Variants in TENM3 observed in about 807,000 individuals in gnomAD.
TENM3 encodes the protein teneurin transmembrane protein 3, also known as teneurin-3.
In TENM3, 63 loss-of-function variants were observed where a neutral mutation model predicts 255.1. The observed-to-expected ratio is 0.25, with a 90% confidence interval of 0.20 to 0.30. The LOEUF (loss-of-function observed/expected upper bound fraction) is 0.30. Among genes scored for constraint, TENM3 ranks in the 10% least tolerant of loss-of-function variants. TENM3 has a pLI of 1.00. For missense variants in TENM3, 2,929 were observed against 3,461.1 expected (o/e 0.85, Z 3.86); for synonymous variants, 1,306 against 1,322.3 (o/e 0.99, Z 0.27).
chr4:182,584,603 T>C (rs1745818450), intron 3 of TENM3, among the ~76,000 whole-genome samples: 1 of 152,210 alleles, frequency 6.6e-6, no homozygotes, highest in Non-Finnish European at 1.5e-5. Context: ...TAAATGATAT[T>C]AATAGATATT....
the TENM3 span, among the ~76,000 whole-genome samples, chr4:182,066,580 A>C: frequency 3.9e-5 from 3 of 77,548 alleles, no homozygotes; most frequent in Non-Finnish European, 7.7e-5. Context: ...ACTTAAAGTA[A>C]GAATTATGGT....
At chr4:182,135,677 G>A in the TENM3 span, among the ~76,000 whole-genome samples, 3 of 152,228 alleles carry the variant, frequency 2.0e-5, no homozygotes, top group African/African-American at 7.2e-5. Context: ...GAACTTCGTC[G>A]TAAGTATGTT....
chr4:181,989,207 A>G, the TENM3 span, among the ~76,000 whole-genome samples: 1 of 152,078 alleles, frequency 6.6e-6, no homozygotes, highest in Non-Finnish European at 1.5e-5. Flanking sequence ...AAGGAGGACA[A>G]TTTCCAGGAA....
At chr4:181,651,658 C>T in the TENM3 span, among the ~76,000 whole-genome samples, 1 of 152,024 alleles carries the variant, frequency 6.6e-6, no homozygotes, top group African/African-American at 2.4e-5. Context: ...AGAACTCTAT[C>T]AGTAGGTGTG....
chr4:182,562,393 T>A (rs1580945396), intron 3 of TENM3, among the ~76,000 whole-genome samples: 1 of 152,284 alleles, frequency 6.6e-6, no homozygotes, highest in Admixed American at 6.5e-5. Flanking sequence ...TACCCACAAT[T>A]ATTTTTTAGG....
chr4:181,731,130 C>T, the TENM3 span, among the ~76,000 whole-genome samples: 4 of 151,982 alleles, frequency 2.6e-5, no homozygotes, highest in East Asian at 1.9e-4. Flanking sequence ...ATGTCCACTT[C>T]GTAATAGGGG....
chr4:181,478,741 A>G, the TENM3 span, among the ~76,000 whole-genome samples: 3,976 of 152,282 alleles, frequency 0.026, 165 homozygotes, highest in African/African-American at 0.091. Context: ...TTATTAAAAC[A>G]TCTGCCTTTC....
At chr4:182,294,052 C>G (rs1761300271) in intron 1 of TENM3, among the ~76,000 whole-genome samples, 1 of 152,050 alleles carries the variant, frequency 6.6e-6, no homozygotes, top group Non-Finnish European at 1.5e-5. Context: ...TCAGGATTTC[C>G]TCTACCAGGG....
the TENM3 span, among the ~76,000 whole-genome samples, chr4:181,734,298 T>A: frequency 6.6e-6 from 1 of 152,024 alleles, no homozygotes; most frequent in Non-Finnish European, 1.5e-5. Flanking sequence ...AGGGTCCTCA[T>A]CTGTTTTGCT....
At chr4:182,382,838 T>A (rs1767664716) in intron 3 of TENM3, among the ~76,000 whole-genome samples, 2 of 152,198 alleles carry the variant, frequency 1.3e-5, no homozygotes, top group African/African-American at 4.8e-5. Context: ...AGCTCATCCT[T>A]TTCAGGGTAC....
intron 4 of TENM3, among the ~76,000 whole-genome samples, chr4:182,613,567 A>G (rs564299630): frequency 6.6e-6 from 1 of 152,262 alleles, no homozygotes; most frequent in Admixed American, 6.5e-5. Context: ...TCTCCCGTTT[A>G]CTTAAGACTA....
the TENM3 span, among the ~76,000 whole-genome samples, chr4:181,478,444 C>T: frequency 6.6e-6 from 1 of 152,196 alleles, no homozygotes; most frequent in Non-Finnish European, 1.5e-5. Context: ...CACGCTCCTA[C>T]TGCTGCAACA....
At chr4:182,641,234 C>T (rs142142218) in intron 5 of TENM3, among the ~76,000 whole-genome samples, 272 of 152,340 alleles carry the variant, frequency 1.8e-3, no homozygotes, top group Middle Eastern at 0.014. Context: ...ACTCACGAAT[C>T]AGTGTCTGTC....
chr4:182,364,609 C>T lies in TENM3; in HGVS notation c.511+17680C>T, dbSNP rs553624521. 4.6e-5 allele frequency among the ~76,000 whole-genome samples: 7 copies of T among 152,158 alleles called. No individual in the cohort carries two copies. The South Asian group carries it at 8.3e-4, about 18-fold the overall frequency. On this transcript the variant is annotated intron_variant, in intron 3 of 27. Transcript: ENST00000511685. ...TTTTTTGTATTTTGTTTAGTAGAGA[C>T]GGGGTTTCACCGTGTCAGCCAGGAT...
chr4:182,788,776 A>C (rs2152824402), intron 24 of TENM3, among the ~76,000 whole-genome samples: 1 of 152,316 alleles, frequency 6.6e-6, no homozygotes, highest in African/African-American at 2.4e-5. Flanking sequence ...AGTCATATGA[A>C]CAGGTGTCAT....
chr4:182,092,412 C>T, the TENM3 span, among the ~76,000 whole-genome samples: 1 of 152,180 alleles, frequency 6.6e-6, no homozygotes, highest in Non-Finnish European at 1.5e-5. Flanking sequence ...CTTTGGGAGG[C>T]CAAGGTGGGG....
At chr4:181,711,670 A>G in the TENM3 span, among the ~76,000 whole-genome samples, 9 of 152,212 alleles carry the variant, frequency 5.9e-5, no homozygotes, top group Non-Finnish European at 1.0e-4. Context: ...GTGACCTTCC[A>G]TTCTTGCTCT....
At chr4:182,090,978 A>G in the TENM3 span, among the ~76,000 whole-genome samples, 1 of 152,198 alleles carries the variant, frequency 6.6e-6, no homozygotes, top group Non-Finnish European at 1.5e-5. Flanking sequence ...TCTTGGCACA[A>G]TAGTTTGTAT....
chr4:181,690,415 C>G, the TENM3 span, among the ~76,000 whole-genome samples: 2 of 152,136 alleles, frequency 1.3e-5, no homozygotes, highest in African/African-American at 4.8e-5. Context: ...CTTGTCAAAG[C>G]AAAGACCATT....
Sources: allele counts gnomAD v4.1 joint callset (sites outside exome capture counted in the v4.1 genomes callset), GRCh38; gene constraint gnomAD v4.1.1; transcripts MANE v1.5; gene names NCBI Gene and HGNC (gene_info 2026-07-23, HGNC 2026-07-21).